Variants in SMTNL2 observed in about 807,000 individuals in gnomAD.
The protein encoded by SMTNL2 is smoothelin-like protein 2.
Under a neutral mutation model 44.1 loss-of-function variants are expected in SMTNL2, and 43 were observed. That is an observed-to-expected ratio of 0.98 (90% CI 0.76 to 1.26). The LOEUF (loss-of-function observed/expected upper bound fraction) is 1.26, where lower values mean the gene tolerates loss of function less well. Among genes scored for constraint, SMTNL2 ranks in the 50% most tolerant of loss-of-function variants. The pLI is 0.00. For synonymous variants in SMTNL2, 317 were observed against 287.6 expected, an observed-to-expected ratio of 1.10 and a Z score of -1.03; for missense variants, 646 against 670.2, an observed-to-expected ratio of 0.96 and a Z score of 0.40.
At chr17:4,585,939 G>A (rs1217089976) in intron 1 of SMTNL2, among the ~76,000 whole-genome samples, 3 of 152,190 alleles carry the variant, frequency 2.0e-5, no homozygotes, top group Non-Finnish European at 4.4e-5. Context: ...ATCCAGGGTG[G>A]GAGATGGCCC....
Position 4,592,950 on chromosome 17 carries a change from AGAT to A in SMTNL2, c.510_512del (p.Glu170_Ile171delinsAsp). ...CCAGGTCCAGGCGATGGACCCCCTG[AGAT>A]TGCCCAAAACTTCTCAGCACCAGAT... is the stretch of plus-strand genomic sequence containing the variant. On this transcript the variant is annotated inframe_deletion, in exon 3 of 8. Coordinates refer to ENST00000389313, the MANE Select transcript of SMTNL2 (RefSeq NM_001114974.2). This position sits in a 1 kb window ranked among gnomAD's most constrained non-coding sequence, Gnocchi z 4.5. 6.2e-7 allele frequency: 1 copy of A among 1,613,376 alleles called. No individual in the cohort carries two copies. The highest frequency in any genetic ancestry group is 8.5e-7 in the Non-Finnish European group (1 of 1,179,570).
rs1175435387 is a variant in SMTNL2, at chr17:4,598,400, A to C, written c.1259+1077A>C. On this transcript the variant is annotated intron_variant, in intron 7 of 7. Transcript: ENST00000389313. This position sits in a 1 kb window ranked among gnomAD's most constrained non-coding sequence, Gnocchi z 4.8. ...CTCAGAGAGAAGTAAGGCCGTCCCC[A>C]AAGCCGAGTCTTCTGGAGGGCGCGT... Among the ~76,000 whole-genome samples the C allele has an allele frequency of 6.6e-6, 1 of 152,190 alleles. No homozygotes were observed. Among genetic ancestry groups the C allele is most frequent in the East Asian group, 1.9e-4 (1 of 5,194 alleles).
Position 4,592,285 on chromosome 17 carries a change from T to C in SMTNL2, c.400-76T>C. 7.3e-7 allele frequency: 1 copy of C among 1,374,494 alleles called. No homozygotes were observed. 85.1% of individuals were successfully genotyped at this position (1,374,494 alleles called of 1,614,324 possible). A position where few individuals can be genotyped will look rare whatever the true frequency, so the allele number is the denominator to read the frequency against. On this transcript the variant is annotated intron_variant, in intron 1 of 7. Coordinates refer to ENST00000389313, the MANE Select transcript of SMTNL2 (RefSeq NM_001114974.2). This position sits in a 1 kb window ranked among gnomAD's most constrained non-coding sequence, Gnocchi z 4.5. ...GTGTTTTGCCAGAACGGGAGGGGAT[T>C]TGGGGGTGGGCAGCTTTTGGGGGTG...
At chr17:4,589,110 G>A (rs1054116368) in intron 1 of SMTNL2, among the ~76,000 whole-genome samples, 1 of 152,106 alleles carries the variant, frequency 6.6e-6, no homozygotes, top group Admixed American at 6.5e-5. Context: ...TCCCTTTGCC[G>A]GAGAACCCTT....
rs1377907316 is a variant in SMTNL2 at position 4,584,665 on chromosome 17, C to G, written c.60C>G (p.Tyr20Ter). ...ARTVREALGR[Y>*]EAALEGAVRA... The stretch of plus-strand genomic sequence containing the variant: ...CTGTGCGCGAGGCGCTGGGCCGCTA[C>G]GAGGCGGCGCTGGAGGGTGCGGTGC... Residue 20 changes from tyrosine (Y) to a stop codon, truncating the protein, a stop_gained, in exon 1 of 8, where the codon TAC becomes TAG. Transcript: ENST00000389313. LOFTEE classifies it high-confidence loss of function. The G allele has an allele frequency of 2.2e-5, 28 of 1,275,618 alleles. No homozygotes were observed. Among genetic ancestry groups the G allele is most frequent in the African/African-American group, 3.1e-5 (2 of 64,162 alleles). The allele number at this position is 1,275,618 out of a possible 1,614,324, so 79.0% of individuals were successfully genotyped here. A position where few individuals can be genotyped will look rare whatever the true frequency, so the allele number is the denominator to read the frequency against.
At chr17:4,584,303 G>C (rs1909246430), upstream of SMTNL2, among the ~76,000 whole-genome samples, 1 of 152,140 alleles carries the variant, frequency 6.6e-6, no homozygotes. Context: ...GCCTTCTTCG[G>C]GTGGGCCCGC....
chr17:4,606,927 A>G (rs1910302958), intron 7 of SMTNL2, among the ~76,000 whole-genome samples: 1 of 151,864 alleles, frequency 6.6e-6, no homozygotes, highest in Non-Finnish European at 1.5e-5. Flanking sequence ...AAAACAAAAA[A>G]ACAAACAACT....
chr17:4,586,518 G>C (rs1483198324), intron 1 of SMTNL2, among the ~76,000 whole-genome samples: 2 of 11,912 alleles, frequency 1.7e-4, no homozygotes, highest in Non-Finnish European at 1.4e-3. Flanking sequence ...CACAAAGAGA[G>C]AGAGAGAGAG....
chr17:4,591,363 C>T (rs1315633778), intron 1 of SMTNL2, among the ~76,000 whole-genome samples: 1 of 152,232 alleles, frequency 6.6e-6, no homozygotes, highest in Non-Finnish European at 1.5e-5. Context: ...CCCACCAGCC[C>T]CACAGACACT....
At position 4,595,739 on chromosome 17, in the gene SMTNL2, G is replaced by A. The variant is rs982166564; in HGVS notation, c.989+412G>A. ...TGGCCAGAGCTGGGAGCCCCAGCATGGGGTTGGTCTTGCCCAAGGACCGAA... is the reference window on the plus strand; with the variant it reads ...TGGCCAGAGCTGGGAGCCCCAGCATAGGGTTGGTCTTGCCCAAGGACCGAA... On this transcript the variant is annotated intron_variant, in intron 5 of 7. Coordinates refer to ENST00000389313, the MANE Select transcript of SMTNL2 (RefSeq NM_001114974.2). The surrounding 1 kb of genome is among the most constrained non-coding windows in gnomAD (Gnocchi z 5.1). Among the ~76,000 whole-genome samples, 2 of 152,246 alleles carry A rather than the reference G, an allele frequency of 1.3e-5. No homozygotes were observed. The highest frequency in any genetic ancestry group is 2.9e-5 in the Non-Finnish European group (2 of 68,042).
chr17:4,605,198 G>A lies in SMTNL2; in HGVS notation c.1260-2163G>A, dbSNP rs529084390. Among the ~76,000 whole-genome samples, 386 of 107,302 alleles carry A rather than the reference G, an allele frequency of 3.6e-3. 3 individuals are homozygous for A. Among genetic ancestry groups the A allele is most frequent in the Middle Eastern group, 0.012 (1 of 84 alleles). The allele number at this position is 107,302 out of a possible 152,430, so 70.4% of individuals were successfully genotyped here. A position where few individuals can be genotyped will look rare whatever the true frequency, so the allele number is the denominator to read the frequency against. Reference sequence around the variant, plus strand: ...TTTTTTTGAGGCAGGGTCTGGCTCTGTACCCCAGGCTGGAGTGCAGTGGTG... The same window carrying A: ...TTTTTTTGAGGCAGGGTCTGGCTCTATACCCCAGGCTGGAGTGCAGTGGTG... On this transcript the variant is annotated intron_variant, in intron 7 of 7. Transcript: ENST00000389313.
At chr17:4,601,130 C>T (rs886290211) in intron 7 of SMTNL2, among the ~76,000 whole-genome samples, 3 of 152,192 alleles carry the variant, frequency 2.0e-5, no homozygotes, top group African/African-American at 4.8e-5. Flanking sequence ...CGGGATTGGC[C>T]GCGCACAGTG....
At chr17:4,596,180 G>T (rs571890176) in intron 5 of SMTNL2, among the ~76,000 whole-genome samples, 14 of 137,442 alleles carry the variant, frequency 1.0e-4, no homozygotes, top group African/African-American at 3.8e-4. Flanking sequence ...TGTGTGCAGG[G>T]TGTGGCCCAA....
At chr17:4,590,601 A>T (rs188731930) in intron 1 of SMTNL2, among the ~76,000 whole-genome samples, 1 of 152,136 alleles carries the variant, frequency 6.6e-6, no homozygotes, top group Admixed American at 6.5e-5. Context: ...TTAGCCCCTA[A>T]ACCTGCCCTG....
intron 1 of SMTNL2, among the ~76,000 whole-genome samples, chr17:4,588,646 G>T (rs1909441581): frequency 6.6e-6 from 1 of 152,218 alleles, no homozygotes; most frequent in Admixed American, 6.5e-5. Context: ...GTTCTGTGAA[G>T]GTCCCACTGG....
intron 7 of SMTNL2, among the ~76,000 whole-genome samples, chr17:4,602,387 A>G (rs1368446692): frequency 1.5e-5 from 2 of 134,110 alleles, no homozygotes; most frequent in African/African-American, 5.7e-5. Flanking sequence ...CAGTGGAATA[A>G]TCTCAGCTCA....
rs200984541 is a variant in SMTNL2, at chr17:4,593,109, C to T, written c.668C>T (p.Thr223Ile). The T allele has an allele frequency of 6.6e-4, 1,066 of 1,613,698 alleles. 14 individuals carry two copies. In the South Asian group the frequency reaches 0.011, roughly 17 times the overall value. The change falls in exon 3 of 8, where the codon ACC becomes ATC. Residue 223 changes from threonine (T) to isoleucine (I), a missense_variant. By Grantham distance (89) the Thr-to-Ile change is moderately conservative. Transcript: ENST00000389313. ...AAALSPMSAATLGGLNPSPSE... is the reference protein window; with the variant it reads ...AAALSPMSAAILGGLNPSPSE... ...GCTCTATCACCCATGTCTGCTGCCA[C>T]CCTGGGGGGCCTCAACCCAAGCCCC...
At chr17:4,588,684 C>T (rs955075680) in intron 1 of SMTNL2, among the ~76,000 whole-genome samples, 11 of 152,232 alleles carry the variant, frequency 7.2e-5, no homozygotes, top group African/African-American at 1.2e-4. Context: ...CCGCCTTTTC[C>T]TCACACTCAT....
At chr17:4,586,512 AAGAGAGAGAGAGAG>A (rs10565578) in intron 1 of SMTNL2, among the ~76,000 whole-genome samples, 1 of 149,768 alleles carries the variant, frequency 6.7e-6, no homozygotes, top group East Asian at 2.0e-4. Flanking sequence ...TGTACACACA[AAGAGAGAGAGAGAG>A]AGAGAGAGAG....
Sources: gnomAD v4.1 joint callset for allele counts (sites outside exome capture counted in the v4.1 genomes callset) on GRCh38, gnomAD v4.1.1 for gene constraint, Gnocchi (gnomAD v3.1) non-coding constraint, MANE v1.5 for transcripts, NCBI Gene and HGNC (gene_info 2026-07-23, HGNC 2026-07-21) for gene names.